Variants in TCHP observed in about 807,000 individuals in gnomAD.
TCHP encodes trichoplein keratin filament-binding protein.
A neutral mutation model predicts 88.7 loss-of-function variants in TCHP; 81 were observed. The ratio of observed to expected loss-of-function variants is 0.91; its 90% CI spans 0.76 to 1.10. TCHP has a LOEUF of 1.10. Ranked by LOEUF, TCHP falls within the 50% of genes least tolerant of loss-of-function variation. The pLI, the probability that TCHP is intolerant of heterozygous loss-of-function variation, is 0.00. For missense variants in TCHP, 641 were observed against 632.1 expected (o/e 1.01, Z -0.15); for synonymous variants, 232 against 232.5 (o/e 1.00, Z 0.02).
chr12:109,907,392 G>T (rs546810370), intron 5 of TCHP, 134 bp from the exon 6 acceptor site: 1 of 866,144 alleles, frequency 1.2e-6, no homozygotes, highest in Non-Finnish European at 1.8e-6. Context: ...CTGACTTGGC[G>T]TCTGAGGGCG....
intron 8 of TCHP, among the ~76,000 whole-genome samples, chr12:109,910,182 T>G (rs746556915): frequency 3.3e-5 from 5 of 152,224 alleles, no homozygotes; most frequent in African/African-American, 4.8e-5. Flanking sequence ...GAACCTGTTC[T>G]TTTCAGATAG....
At position 109,915,469 on chromosome 12, in the gene TCHP, C is replaced by CG. The variant is rs1565914748; in HGVS notation, c.1389dup (p.Arg464AlafsTer19). 6.2e-7 allele frequency: 1 copy of CG among 1,613,916 alleles called. No individual in the cohort carries two copies. The highest frequency in any genetic ancestry group is 1.3e-5 in the African/African-American group (1 of 74,912). On this transcript the variant is annotated frameshift_variant, in exon 12 of 13. Transcript: ENST00000405876. LOFTEE classifies it high-confidence loss of function. ...GGAGGAGGAGGAAGAGGAGGAGGCCCGGCGGGTCGAGCAGCTCTCAGATGC... is the reference window on the plus strand; with the variant it reads ...GGAGGAGGAGGAAGAGGAGGAGGCCCGGGCGGGTCGAGCAGCTCTCAGATGC...
upstream of TCHP, among the ~76,000 whole-genome samples, chr12:109,899,578 CAG>C (rs1869664625): frequency 6.6e-6 from 1 of 152,122 alleles, no homozygotes; most frequent in Non-Finnish European, 1.5e-5. Context: ...GCGGAGGTTG[CAG>C]TGAATCGAGA....
chr12:109,891,590 C>T, the TCHP span, among the ~76,000 whole-genome samples: 2 of 151,248 alleles, frequency 1.3e-5, no homozygotes, highest in East Asian at 3.9e-4. Context: ...TTAGTAGAGA[C>T]TGGTTTCACC....
chr12:109,902,928 A>G, intron 1 of TCHP, 99 bp from the exon 2 acceptor site: 2 of 872,226 alleles, frequency 2.3e-6, no homozygotes, highest in Non-Finnish European at 3.4e-6. Context: ...TTCACTGTGC[A>G]GCCAAGGGGT....
rs1023526619 is a variant in TCHP, at chr12:109,904,154, C to T, written c.399+7C>T. 1.3e-6 allele frequency: 2 copies of T among 1,560,062 alleles called. No homozygotes were observed. The highest frequency in any genetic ancestry group is 1.9e-5 in the Admixed American group (1 of 52,004). On this transcript the variant is annotated splice_region_variant and intron_variant, in intron 3 of 12. Coordinates refer to ENST00000405876, the MANE Select transcript of TCHP (RefSeq NM_001143852.2). ...AGAAGAGCAGAGGAAACTGGTAACT[C>T]CCCAGAGGGCTTCAGGAGGCTGTGG... is the stretch of plus-strand genomic sequence containing the variant.
intron 12 of TCHP, 48 bp downstream of exon 12, chr12:109,915,594 G>C: frequency 6.4e-7 from 1 of 1,560,596 alleles, no homozygotes; most frequent in Admixed American, 1.8e-5. Context: ...GACAGACTCT[G>C]CCCGGCCCCT....
Position 109,903,724 on chromosome 12 carries a change from A to G in TCHP, c.189-213A>G, listed in dbSNP as rs947735481. ...GATTTATGTGATGGATAATATATAC[A>G]TTATTTATACATTTATACATTTTCT... On this transcript the variant is annotated intron_variant, in intron 2 of 12. Coordinates refer to ENST00000405876, the MANE Select transcript of TCHP (RefSeq NM_001143852.2). This position sits in a 1 kb window ranked among gnomAD's most constrained non-coding sequence, Gnocchi z 4.6. Among the ~76,000 whole-genome samples the G allele has an allele frequency of 1.3e-5, 2 of 152,148 alleles. No homozygotes were observed. The highest frequency in any genetic ancestry group is 4.8e-5 in the African/African-American group (2 of 41,432).
rs199975433 is a variant in TCHP at position 109,904,768 on chromosome 12, A to T, written c.431A>T (p.Lys144Ile). 7.2e-5 allele frequency: 116 copies of T among 1,613,686 alleles called. No homozygotes were observed. The highest frequency in any genetic ancestry group is 1.8e-4 in the Admixed American group (11 of 59,888). The change falls in exon 4 of 13, where the codon AAA becomes ATA. Residue 144 changes from lysine (K) to isoleucine (I), a missense_variant. Transcript: ENST00000405876. ...GAACAACTTTTGTACGAACACTGGAAAAAGAACAACCCGAAACTTCGAGAG... is the reference window on the plus strand; with the variant it reads ...GAACAACTTTTGTACGAACACTGGATAAAGAACAACCCGAAACTTCGAGAG... ...IAEQLLYEHW[K>I]KNNPKLREME...
At chr12:109,912,918 C>A in intron 9 of TCHP, 73 bp from the exon 10 acceptor site, 2 of 1,277,552 alleles carry the variant, frequency 1.6e-6, no homozygotes, top group Non-Finnish European at 1.1e-6. Flanking sequence ...GCCCTGCAGC[C>A]CTGTCTGTTC....
chr12:109,901,539 A>G (rs1869794749), intron 1 of TCHP, among the ~76,000 whole-genome samples: 2 of 152,240 alleles, frequency 1.3e-5, no homozygotes, highest in Admixed American at 1.3e-4. Context: ...CTGATAAGGT[A>G]CTGAAACAAG....
upstream of TCHP, among the ~76,000 whole-genome samples, chr12:109,899,987 A>T (rs1246923236): frequency 1.3e-5 from 2 of 152,006 alleles, no homozygotes; most frequent in African/African-American, 4.8e-5. Flanking sequence ...TAGAGACAGG[A>T]GTCCCTCTGT....
At chr12:109,896,561 T>C (rs1467112650), upstream of TCHP, among the ~76,000 whole-genome samples, 1 of 152,192 alleles carries the variant, frequency 6.6e-6, no homozygotes, top group Non-Finnish European at 1.5e-5. Flanking sequence ...CATAGATTCC[T>C]TTTTCCTTTG....
chr12:109,917,790 A>G lies in TCHP; in HGVS notation c.*1167A>G, dbSNP rs549684295. ...TTCATCACATTATGTTCAAGATTCCATATCTCCGTAAATTACAGCTAATTA... is the reference window on the plus strand; with the variant it reads ...TTCATCACATTATGTTCAAGATTCCGTATCTCCGTAAATTACAGCTAATTA... On this transcript the variant is annotated 3_prime_UTR_variant, in exon 13 of 13. Transcript: ENST00000405876. 9 of 152,740 alleles carry G rather than the reference A, an allele frequency of 5.9e-5. No homozygotes were observed. The highest frequency in any genetic ancestry group is 1.7e-4 in the African/African-American group (7 of 41,560). The allele number at this position is 152,740 out of a possible 1,614,324, so 9.5% of individuals were successfully genotyped here. A position where few individuals can be genotyped will look rare whatever the true frequency, so the allele number is the denominator to read the frequency against.
the TCHP span, among the ~76,000 whole-genome samples, chr12:109,893,636 C>T: frequency 2.0e-5 from 3 of 152,282 alleles, no homozygotes; most frequent in South Asian, 6.2e-4. Context: ...CTTGTTTCAC[C>T]TATATCCAGT....
chr12:109,908,249 C>T (rs1448155170), intron 6 of TCHP, among the ~76,000 whole-genome samples: 1 of 152,174 alleles, frequency 6.6e-6, no homozygotes, highest in Non-Finnish European at 1.5e-5. Context: ...GTGCTGAGCA[C>T]TGGGTTGGGA....
intron 10 of TCHP, among the ~76,000 whole-genome samples, chr12:109,913,710 A>C (rs1398215269): frequency 1.3e-5 from 2 of 152,188 alleles, no homozygotes; most frequent in African/African-American, 4.8e-5. Flanking sequence ...CATGGGCTGA[A>C]AGCTGTTGTA....
At chr12:109,912,917 C>G in intron 9 of TCHP, 74 bp from the exon 10 acceptor site, 5 of 1,256,628 alleles carry the variant, frequency 4.0e-6, no homozygotes, top group Non-Finnish European at 5.8e-6. Flanking sequence ...TGCCCTGCAG[C>G]CCTGTCTGTT....
At chr12:109,884,964 CTTTGTTTTTGTT>C in the TCHP span, among the ~76,000 whole-genome samples, 6 of 152,154 alleles carry the variant, frequency 3.9e-5, no homozygotes, top group African/African-American at 1.4e-4. Context: ...CAGTAATGTC[CTTTGTTTTTGTT>C]TTTGTTTTTT....
Sources: gnomAD v4.1 joint callset for allele counts (sites outside exome capture counted in the v4.1 genomes callset) on GRCh38, gnomAD v4.1.1 for gene constraint, Gnocchi (gnomAD v3.1) non-coding constraint, MANE v1.5 for transcripts, NCBI Gene and HGNC (gene_info 2026-07-23, HGNC 2026-07-21) for gene names.